The following ERC2 variants were observed in gnomAD, a reference collection of about 807,000 sequenced individuals.
ERC2 encodes the protein ELKS/RAB6-interacting/CAST family member 2, also known as ERC protein 2.
ERC2 carries 42 observed loss-of-function variants against 114.8 expected under a neutral mutation model. The observed-to-expected ratio is 0.37, with a 90% CI of 0.29 to 0.47. The LOEUF is 0.47. Among genes scored for constraint, ERC2 ranks in the 20% least tolerant of loss-of-function variants. The pLI is 0.99. For synonymous variants in ERC2, 454 were observed against 425.5 expected (o/e 1.07, Z -0.82); for missense variants, 939 against 1,150.7 (o/e 0.82, Z 2.66).
chr3:55,824,639 C>T (rs908663017), intron 14 of ERC2, among the ~76,000 whole-genome samples: 2 of 152,172 alleles, frequency 1.3e-5, no homozygotes, highest in Non-Finnish European at 2.9e-5. Context: ...AGTGTTATCA[C>T]ATGGTTTACA....
intron 3 of ERC2, among the ~76,000 whole-genome samples, chr3:56,196,198 G>A (rs1429695400): frequency 6.6e-6 from 1 of 152,084 alleles, no homozygotes; most frequent in Non-Finnish European, 1.5e-5. Flanking sequence ...GGTGGGGCAG[G>A]GGATGGGCAT....
intron 13 of ERC2, among the ~76,000 whole-genome samples, chr3:55,921,974 A>G (rs952426697): frequency 3.3e-5 from 5 of 152,128 alleles, no homozygotes; most frequent in African/African-American, 1.2e-4. Flanking sequence ...CGATTGTATA[A>G]TATCAACCCA....
At chr3:55,864,364 A>T (rs1419983238) in intron 14 of ERC2, among the ~76,000 whole-genome samples, 3 of 151,416 alleles carry the variant, frequency 2.0e-5, no homozygotes, top group Admixed American at 2.0e-4. Flanking sequence ...TAGCAGTTTC[A>T]TATGGTACAA....
intron 7 of ERC2, among the ~76,000 whole-genome samples, chr3:56,054,979 G>T (rs1452915654): frequency 6.6e-6 from 1 of 152,192 alleles, no homozygotes; most frequent in Non-Finnish European, 1.5e-5. Flanking sequence ...ATGGCAGTGC[G>T]ATGTAATTCA....
chr3:56,096,122 A>C (rs1316746552), intron 6 of ERC2, among the ~76,000 whole-genome samples: 1 of 152,226 alleles, frequency 6.6e-6, no homozygotes, highest in African/African-American at 2.4e-5. Flanking sequence ...CTAAGAGATA[A>C]AGTAGAGACA....
chr3:56,047,150 T>G (rs2075514977), intron 7 of ERC2, among the ~76,000 whole-genome samples: 1 of 152,248 alleles, frequency 6.6e-6, no homozygotes, highest in African/African-American at 2.4e-5. Flanking sequence ...CTATGCATTT[T>G]TGTTTCCTAT....
chr3:55,992,419 C>G (rs755515690), intron 10 of ERC2, among the ~76,000 whole-genome samples, 169 bp from the exon 11 acceptor site: 1 of 151,972 alleles, frequency 6.6e-6, no homozygotes, highest in South Asian at 2.1e-4. Flanking sequence ...TTTCAGCTAC[C>G]TTAGAAGAAT....
intron 11 of ERC2, among the ~76,000 whole-genome samples, chr3:55,990,812 G>A (rs1328976999): frequency 6.6e-6 from 1 of 152,186 alleles, no homozygotes; most frequent in African/African-American, 2.4e-5. Flanking sequence ...TGAATAGGTT[G>A]TTAGAGATTC....
At chr3:56,136,929 A>G (rs2149906284) in intron 6 of ERC2, among the ~76,000 whole-genome samples, 1 of 152,318 alleles carries the variant, frequency 6.6e-6, no homozygotes, top group East Asian at 1.9e-4. Context: ...CTGCACACGG[A>G]GAATAATTTT....
At chr3:56,377,624 G>T (rs1305993229) in intron 2 of ERC2, among the ~76,000 whole-genome samples, 1 of 151,942 alleles carries the variant, frequency 6.6e-6, no homozygotes, top group African/African-American at 2.4e-5. Context: ...CACACATTAG[G>T]CCCCCCAAAA....
intron 17 of ERC2, among the ~76,000 whole-genome samples, chr3:55,562,806 G>T (rs1419255208): frequency 1.3e-5 from 2 of 151,692 alleles, no homozygotes; most frequent in Non-Finnish European, 2.9e-5. Flanking sequence ...TAATACCTGT[G>T]TTTAAATTTT....
intron 6 of ERC2, among the ~76,000 whole-genome samples, chr3:56,107,205 CTA>C (rs1314256104): frequency 6.6e-6 from 1 of 150,822 alleles, no homozygotes; most frequent in Non-Finnish European, 1.5e-5. Flanking sequence ...CTGGATCCAG[CTA>C]TGTCTAAAGT....
chr3:56,395,056 GT>G, intron 2 of ERC2, among the ~76,000 whole-genome samples: 1 of 147,956 alleles, frequency 6.8e-6, no homozygotes, highest in South Asian at 2.1e-4. Context: ...AAAAAAAAAA[GT>G]TGCAAAAAAA....
intron 1 of ERC2, among the ~76,000 whole-genome samples, chr3:56,458,486 G>A (rs1273534171): frequency 1.3e-5 from 2 of 152,198 alleles, no homozygotes; most frequent in African/African-American, 4.8e-5. Flanking sequence ...TAAAAAGAGA[G>A]TTATTTCTCA....
At position 55,933,408 on chromosome 3, in the gene ERC2, T is replaced by C. The variant is rs985643081; in HGVS notation, c.2403+17017A>G. Reference sequence around the variant, plus strand: ...TGCAAAATTTAAGCAACAATAAAGATAGCAAACACAATTCTTCAGCCATGA... The same window carrying C: ...TGCAAAATTTAAGCAACAATAAAGACAGCAAACACAATTCTTCAGCCATGA... On this transcript the variant is annotated intron_variant, in intron 13 of 17. Coordinates refer to ENST00000288221, the MANE Select transcript of ERC2 (RefSeq NM_015576.3). Among the ~76,000 whole-genome samples the C allele has an allele frequency of 5.3e-5, 8 of 152,256 alleles. No individual in the cohort carries two copies. The South Asian group carries it at 8.3e-4, about 16-fold the overall frequency.
chr3:55,934,701 A>C lies in ERC2; in HGVS notation c.2403+15724T>G, dbSNP rs1024240588. ...AAAGAAAAAAAATTGGGAAGAACTC[A>C]GGAAATTTCTGGATAATTTAGGCCT... is the stretch of plus-strand genomic sequence containing the variant. On this transcript the variant is annotated intron_variant, in intron 13 of 17. Coordinates refer to ENST00000288221, the MANE Select transcript of ERC2 (RefSeq NM_015576.3). Among the ~76,000 whole-genome samples, 7 of 152,362 alleles carry C rather than the reference A, an allele frequency of 4.6e-5. No homozygotes were observed. In the East Asian group the frequency reaches 1.4e-3, roughly 29 times the overall value.
chr3:56,144,451 T>C (rs1407537991), intron 5 of ERC2, among the ~76,000 whole-genome samples: 1 of 152,230 alleles, frequency 6.6e-6, no homozygotes, highest in Non-Finnish European at 1.5e-5. Flanking sequence ...CATATGAAAC[T>C]GATTCATCTG....
chr3:56,340,464 T>G (rs1270271558), intron 2 of ERC2, among the ~76,000 whole-genome samples: 1 of 151,974 alleles, frequency 6.6e-6, no homozygotes, highest in Admixed American at 6.6e-5. Context: ...GCTTCTAAGA[T>G]GAAGCTGTGC....
chr3:55,623,095 T>C (rs554215206), intron 17 of ERC2, among the ~76,000 whole-genome samples: 1 of 152,292 alleles, frequency 6.6e-6, no homozygotes, highest in African/African-American at 2.4e-5. Flanking sequence ...ACATGTGACT[T>C]GTTTCTGACC....
Sources: allele counts gnomAD v4.1 joint callset (sites outside exome capture counted in the v4.1 genomes callset), GRCh38; gene constraint gnomAD v4.1.1; transcripts MANE v1.5; gene names NCBI Gene and HGNC (gene_info 2026-07-23, HGNC 2026-07-21).